VEZT: variants seen among roughly 807,000 people sequenced by gnomAD.
VEZT encodes the protein vezatin.
In VEZT, 39 loss-of-function variants were observed where a neutral mutation model predicts 79.9. The ratio of observed to expected loss-of-function variants is 0.49; its 90% CI spans 0.38 to 0.64. VEZT has a LOEUF of 0.64. Among genes scored for constraint, VEZT ranks in the 30% least tolerant of loss-of-function variants. The probability of loss-of-function intolerance (pLI) is 0.00; values close to 1 mark genes in which losing one functional copy is unlikely to be tolerated. For synonymous variants in VEZT, 325 were observed against 327.6 expected (o/e 0.99, Z 0.09); for missense variants, 837 against 893.1 (o/e 0.94, Z 0.80).
At chr12:95,249,214 A>G (rs80117583) in intron 1 of VEZT, among the ~76,000 whole-genome samples, 11,871 of 152,242 alleles carry the variant, frequency 0.078, 508 homozygotes, top group Middle Eastern at 0.12. Context: ...CCAGAGTTAG[A>G]GTAACTTCCC....
chr12:95,272,436 A>G (rs1250264936), intron 6 of VEZT, among the ~76,000 whole-genome samples: 7 of 152,210 alleles, frequency 4.6e-5, no homozygotes, highest in Non-Finnish European at 1.0e-4. Flanking sequence ...TGATTGGAGT[A>G]TAGAAAGAAG....
intron 3 of VEZT, among the ~76,000 whole-genome samples, chr12:95,259,797 AG>A (rs1365022816): frequency 3.3e-5 from 5 of 152,330 alleles, no homozygotes; most frequent in Admixed American, 3.3e-4. Flanking sequence ...CTTAATTTGC[AG>A]GTGTCAGTTT....
chr12:95,234,804 G>GCCTT (rs2059790593), intron 1 of VEZT, among the ~76,000 whole-genome samples: 1 of 152,134 alleles, frequency 6.6e-6, no homozygotes, highest in African/African-American at 2.4e-5. Flanking sequence ...GGACCCTGCG[G>GCCTT]CCTTCCGCAG....
intron 1 of VEZT, among the ~76,000 whole-genome samples, chr12:95,224,736 G>C (rs769153015): frequency 7.2e-5 from 11 of 152,148 alleles, no homozygotes; most frequent in Non-Finnish European, 1.2e-4. Flanking sequence ...TGCTGAGTCA[G>C]CCCTACTTCT....
At chr12:95,289,417 CAA>C (rs146728004) in intron 9 of VEZT, among the ~76,000 whole-genome samples, 9,869 of 69,406 alleles carry the variant, frequency 0.14, 234 homozygotes, top group East Asian at 0.2. Flanking sequence ...ACTCTTGTCT[CAA>C]AAAAAAAAAA....
chr12:95,290,889 C>T (rs1010514061), intron 9 of VEZT: 1 of 151,910 alleles, frequency 6.6e-6, no homozygotes, highest in African/African-American at 2.4e-5. Flanking sequence ...CTCAGGAAAT[C>T]ATTGAGAATA....
At chr12:95,243,070 A>G (rs1216694276) in intron 1 of VEZT, among the ~76,000 whole-genome samples, 1 of 152,106 alleles carries the variant, frequency 6.6e-6, no homozygotes, top group Non-Finnish European at 1.5e-5. Context: ...AAGGGAGAGA[A>G]TACTACAATG....
intron 9 of VEZT, among the ~76,000 whole-genome samples, chr12:95,293,120 G>A (rs2073357955): frequency 6.6e-6 from 1 of 151,824 alleles, no homozygotes; most frequent in Admixed American, 6.6e-5. Flanking sequence ...AAAGTGCTAG[G>A]ATTACAGGCG....
At chr12:95,263,429 T>A (rs1205676437) in intron 4 of VEZT, among the ~76,000 whole-genome samples, 1 of 152,164 alleles carries the variant, frequency 6.6e-6, no homozygotes, top group South Asian at 2.1e-4. Context: ...GTGGTAGGAT[T>A]GCTTAAGGCC....
At chr12:95,253,339 C>T (rs1385734899) in intron 2 of VEZT, among the ~76,000 whole-genome samples, 1 of 152,134 alleles carries the variant, frequency 6.6e-6, no homozygotes, top group Non-Finnish European at 1.5e-5. Context: ...GTGAGGTAAC[C>T]AAGCTGGCCC....
chr12:95,292,331 TAA>T (rs2073056053), intron 9 of VEZT, among the ~76,000 whole-genome samples: 2 of 152,204 alleles, frequency 1.3e-5, no homozygotes, highest in East Asian at 3.8e-4. Flanking sequence ...TTATTGCTAT[TAA>T]TAATAGTCTT....
In VEZT at chr12:95,300,479, G is replaced by A. The variant is rs1213763123; in HGVS notation, c.2146G>A (p.Asp716Asn). 1.2e-6 allele frequency: 2 copies of A among 1,613,772 alleles called. No homozygotes were observed. The highest frequency in any genetic ancestry group is 1.3e-5 in the African/African-American group (1 of 74,912). ...GACCACTGCCCCTCCAACTCCCAGG[G>A]ACTCATTACAGCCCTCCATTAAGCA... ...GLTTAPPTPRDSLQPSIKQRL... is the reference protein window; with the variant it reads ...GLTTAPPTPRNSLQPSIKQRL... Residue 716 changes from aspartate to asparagine, a missense_variant, in exon 12 of 12, where the codon GAC becomes AAC. Coordinates refer to ENST00000436874, the MANE Select transcript of VEZT (RefSeq NM_017599.4).
intron 1 of VEZT, among the ~76,000 whole-genome samples, chr12:95,248,821 C>CAAAA (rs3080331): frequency 9.6e-6 from 1 of 104,586 alleles, no homozygotes; most frequent in African/African-American, 3.4e-5. Context: ...GACCCTATCT[C>CAAAA]AAAAAAAAAA....
intron 1 of VEZT, among the ~76,000 whole-genome samples, chr12:95,228,433 A>G (rs990422407): frequency 1.3e-5 from 2 of 152,192 alleles, no homozygotes; most frequent in Non-Finnish European, 2.9e-5. Flanking sequence ...ATACATGGAC[A>G]GTATTTGCTA....
intron 9 of VEZT, among the ~76,000 whole-genome samples, chr12:95,290,043 T>C (rs996590823): frequency 6.6e-6 from 1 of 152,136 alleles, no homozygotes; most frequent in Non-Finnish European, 1.5e-5. Context: ...ACCATCAAAA[T>C]CAGAAAATGA....
intron 2 of VEZT, among the ~76,000 whole-genome samples, chr12:95,253,395 C>A (rs1042591219): frequency 6.6e-6 from 1 of 152,066 alleles, no homozygotes; most frequent in Non-Finnish European, 1.5e-5. Context: ...TGACTAACAC[C>A]CAGAAGGTGA....
chr12:95,227,008 A>G (rs2058587823), intron 1 of VEZT, among the ~76,000 whole-genome samples: 1 of 152,242 alleles, frequency 6.6e-6, no homozygotes, highest in South Asian at 2.1e-4. Flanking sequence ...CAAAGTTTAG[A>G]AAATGATGGA....
intron 8 of VEZT, among the ~76,000 whole-genome samples, chr12:95,283,716 T>C (rs957797088): frequency 1.3e-5 from 2 of 152,208 alleles, no homozygotes; most frequent in Non-Finnish European, 2.9e-5. Flanking sequence ...GGGCTTGATA[T>C]AAGGCTTGAT....
At chr12:95,241,369 C>T (rs2060991414) in intron 1 of VEZT, among the ~76,000 whole-genome samples, 2 of 151,942 alleles carry the variant, frequency 1.3e-5, no homozygotes, top group South Asian at 2.1e-4. Flanking sequence ...TGAGACGAGT[C>T]TTGCATGGCT....
Sources: allele counts gnomAD v4.1 joint callset (sites outside exome capture counted in the v4.1 genomes callset), GRCh38; gene constraint gnomAD v4.1.1; transcripts MANE v1.5; gene names NCBI Gene and HGNC (gene_info 2026-07-23, HGNC 2026-07-21).